Variants in ANO2 observed in about 807,000 individuals in gnomAD.
The protein encoded by ANO2 is anoctamin-2.
A neutral mutation model predicts 124.2 loss-of-function variants in ANO2; 101 were observed. The ratio of observed to expected loss-of-function variants is 0.81; its 90% CI spans 0.69 to 0.96. The LOEUF (loss-of-function observed/expected upper bound fraction) is 0.96, where lower values mean the gene tolerates loss of function less well. Among genes scored for constraint, ANO2 ranks in the 40% least tolerant of loss-of-function variants. The pLI, the probability that ANO2 is intolerant of heterozygous loss-of-function variation, is 0.00. For missense variants in ANO2, 1,293 were observed against 1,274.5 expected, an observed-to-expected ratio of 1.01 and a Z score of -0.22; for synonymous variants, 486 against 482.5, an observed-to-expected ratio of 1.01 and a Z score of -0.09.
intron 6 of ANO2, among the ~76,000 whole-genome samples, chr12:5,828,218 T>A (rs7310673): frequency 6.6e-6 from 1 of 151,560 alleles, no homozygotes; most frequent in African/African-American, 2.4e-5. Flanking sequence ...TCGGGGAACC[T>A]CAGGGAAGGC....
intron 1 of ANO2, among the ~76,000 whole-genome samples, chr12:5,936,561 C>G (rs925576156): frequency 1.3e-5 from 2 of 152,208 alleles, no homozygotes; most frequent in Non-Finnish European, 2.9e-5. Context: ...AATGCTGACA[C>G]CTTGATCCTG....
At chr12:5,768,352 T>G (rs1432013138) in intron 10 of ANO2, among the ~76,000 whole-genome samples, 1 of 152,134 alleles carries the variant, frequency 6.6e-6, no homozygotes, top group Non-Finnish European at 1.5e-5. Flanking sequence ...CAGGTCATAT[T>G]CCCGCCACCC....
At chr12:5,854,907 A>C (rs10431363) in intron 3 of ANO2, among the ~76,000 whole-genome samples, 12,715 of 151,136 alleles carry the variant, frequency 0.084, 676 homozygotes, top group East Asian at 0.27. Flanking sequence ...TATGAGAGGA[A>C]GGCACCTCAT....
At chr12:5,627,208 A>G (rs1945460737) in intron 16 of ANO2, among the ~76,000 whole-genome samples, 1 of 152,220 alleles carries the variant, frequency 6.6e-6, no homozygotes, top group Non-Finnish European at 1.5e-5. Context: ...AACATTTAGA[A>G]TAATTTAAGC....
rs114464359 is a variant in ANO2 at position 5,808,618 on chromosome 12, A to G, written c.893-1250T>C. 4.0e-3 allele frequency among the ~76,000 whole-genome samples: 607 copies of G among 152,306 alleles called. 4 individuals are homozygous for G. Among genetic ancestry groups the G allele is most frequent in the African/African-American group, 0.012 (483 of 41,566 alleles). ...ACCATTCTTTCCAAAGAGACTGTAGACTGTAGTGAGATGAGGAGATAATTG... is the reference window on the plus strand; with the variant it reads ...ACCATTCTTTCCAAAGAGACTGTAGGCTGTAGTGAGATGAGGAGATAATTG... On this transcript the variant is annotated intron_variant, in intron 7 of 24. Transcript: ENST00000682330.
chr12:5,905,642 C>CT, intron 3 of ANO2, among the ~76,000 whole-genome samples: 1 of 152,286 alleles, frequency 6.6e-6, no homozygotes, highest in South Asian at 2.1e-4. Flanking sequence ...ATGTCTGCGT[C>CT]TTTTTTCTGA....
intron 11 of ANO2, among the ~76,000 whole-genome samples, chr12:5,747,062 T>C (rs1014766905): frequency 3.9e-5 from 6 of 152,212 alleles, no homozygotes; most frequent in African/African-American, 1.4e-4. Flanking sequence ...ACCTCATCAA[T>C]GTCAGTTTTC....
intron 2 of ANO2, 46 bp from the exon 3 acceptor site, chr12:5,921,412 G>GTCT (rs1370992737): frequency 1.3e-6 from 2 of 1,570,950 alleles, no homozygotes; most frequent in Non-Finnish European, 1.7e-6. Context: ...GGTGAGTAAG[G>GTCT]GGTGAGAAAC....
chr12:5,652,223 T>C (rs948974224), intron 14 of ANO2, among the ~76,000 whole-genome samples: 2 of 152,194 alleles, frequency 1.3e-5, no homozygotes, highest in African/African-American at 2.4e-5. Flanking sequence ...ATTAATAAGA[T>C]ATGGTATTTC....
chr12:5,786,794 T>C (rs1952553681), intron 10 of ANO2, among the ~76,000 whole-genome samples: 1 of 152,162 alleles, frequency 6.6e-6, no homozygotes, highest in Non-Finnish European at 1.5e-5. Context: ...TGCCTGGGAT[T>C]TGGGGCAAGT....
At chr12:5,907,673 G>A (rs1446972858) in intron 3 of ANO2, among the ~76,000 whole-genome samples, 1 of 152,146 alleles carries the variant, frequency 6.6e-6, no homozygotes, top group Non-Finnish European at 1.5e-5. Context: ...AGGTAGACAG[G>A]GTGGGAGAGC....
intron 7 of ANO2, among the ~76,000 whole-genome samples, chr12:5,823,603 T>C (rs898654430): frequency 2.6e-5 from 4 of 152,228 alleles, no homozygotes; most frequent in Non-Finnish European, 5.9e-5. Context: ...GCTGCTTTCA[T>C]GGACTGGCAC....
intron 7 of ANO2, 114 bp downstream of exon 7, chr12:5,827,655 G>A: frequency 8.0e-7 from 1 of 1,250,078 alleles, no homozygotes. Context: ...GCCTCTCCGT[G>A]GGGGGCATTT....
chr12:5,809,997 A>C (rs1358504636), intron 7 of ANO2, among the ~76,000 whole-genome samples: 1 of 152,216 alleles, frequency 6.6e-6, no homozygotes, highest in Non-Finnish European at 1.5e-5. Flanking sequence ...CTGCCTCCTA[A>C]GACAGAAAGT....
chr12:5,880,432 G>A (rs564569875), intron 3 of ANO2, among the ~76,000 whole-genome samples: 2 of 151,402 alleles, frequency 1.3e-5, no homozygotes, highest in South Asian at 4.2e-4. Flanking sequence ...AAAGGAAAAA[G>A]GAGAGAAAAA....
intron 17 of ANO2, among the ~76,000 whole-genome samples, chr12:5,613,520 CTG>C (rs1450392884): frequency 6.6e-6 from 1 of 152,166 alleles, no homozygotes; most frequent in African/African-American, 2.4e-5. Context: ...GACAATAAGA[CTG>C]TGCAGGTCGG....
chr12:5,695,022 G>A (rs906625225), intron 14 of ANO2, among the ~76,000 whole-genome samples: 1 of 152,110 alleles, frequency 6.6e-6, no homozygotes, highest in Admixed American at 6.5e-5. Flanking sequence ...ATACTTAAGT[G>A]CTACATAAGT....
chr12:5,670,860 T>A (rs7139341), intron 14 of ANO2, among the ~76,000 whole-genome samples: 26,972 of 152,084 alleles, frequency 0.18, 2,605 homozygotes, highest in Admixed American at 0.26. Context: ...TTTTAAACAA[T>A]CCTCTCAACA....
Position 5,922,780 on chromosome 12 carries a change from G to C in ANO2, c.47C>G (p.Pro16Arg). The change falls in exon 2 of 25, where the codon CCA becomes CGA. Residue 16 changes from proline (P) to arginine (R), a missense_variant. Physicochemically the swap from Pro to Arg is moderately radical, Grantham distance 103. Transcript: ENST00000682330. Reference sequence around the variant, plus strand: ...CCCTGCCTGAGGGCTCAGCCGGCGTGGGGAGCCAGGGAGCAGGGGTATATC... The same window carrying C: ...CCCTGCCTGAGGGCTCAGCCGGCGTCGGGAGCCAGGGAGCAGGGGTATATC... ...PRDIPLLPGSPRRLSPQAGSR... is the reference protein window; with the variant it reads ...PRDIPLLPGSRRRLSPQAGSR... 6.5e-7 allele frequency: 1 copy of C among 1,537,998 alleles called. No homozygotes were observed. The highest frequency in any genetic ancestry group is 1.2e-5 in the South Asian group (1 of 80,714).
Sources: allele counts gnomAD v4.1 joint callset (sites outside exome capture counted in the v4.1 genomes callset), GRCh38; gene constraint gnomAD v4.1.1; transcripts MANE v1.5; gene names NCBI Gene and HGNC (gene_info 2026-07-23, HGNC 2026-07-21).